Variants in ZC3HAV1L observed in about 807,000 individuals in gnomAD.
The protein encoded by ZC3HAV1L is ZC3HAV1 like.
ZC3HAV1L carries 23 observed loss-of-function variants against 28.2 expected under a neutral mutation model. The ratio of observed to expected loss-of-function variants is 0.82; its 90% CI spans 0.59 to 1.16. ZC3HAV1L has a LOEUF of 1.16. Among genes scored for constraint, ZC3HAV1L ranks in the 50% most tolerant of loss-of-function variants. The pLI is 0.00. For missense variants in ZC3HAV1L, 376 were observed against 387.7 expected, an observed-to-expected ratio of 0.97 and a Z score of 0.25; for synonymous variants, 180 against 163.4, an observed-to-expected ratio of 1.10 and a Z score of -0.78.
At position 139,026,287 on chromosome 7, in the gene ZC3HAV1L, C is replaced by A; in HGVS notation, c.*257G>T. On this transcript the variant is annotated 3_prime_UTR_variant, in exon 5 of 5. Coordinates refer to ENST00000275766, the MANE Select transcript of ZC3HAV1L (RefSeq NM_080660.4). ...GAAAAAAAAAAATGAGTGCAAAGTA[C>A]TCTAGGATTGCCACAATATAAATTG... The A allele has an allele frequency of 6.1e-6, 3 of 494,708 alleles. No individual in the cohort carries two copies. Among genetic ancestry groups the A allele is most frequent in the South Asian group, 3.6e-5 (1 of 27,954 alleles). The allele number at this position is 494,708 out of a possible 1,614,324, so 30.6% of individuals were successfully genotyped here.
chr7:139,023,193 A>AAAC (rs1325163571), downstream of ZC3HAV1L, among the ~76,000 whole-genome samples: 6 of 151,594 alleles, frequency 4.0e-5, no homozygotes, highest in South Asian at 2.1e-4. Context: ...AAAAAAAAAA[A>AAAC]AAAAAAAAAC....
chr7:139,034,222 C>T (rs1815625303), intron 2 of ZC3HAV1L: 1 of 971,174 alleles, frequency 1.0e-6, no homozygotes, highest in Non-Finnish European at 1.2e-6. Context: ...CATCCCTCTT[C>T]TGGCCAAGTG....
At chr7:139,035,238 T>C (rs971898217) in intron 1 of ZC3HAV1L, 5 of 985,250 alleles carry the variant, frequency 5.1e-6, no homozygotes, top group Non-Finnish European at 6.0e-6. Context: ...CACAAGTGTG[T>C]GGATATGGGG....
downstream of ZC3HAV1L, among the ~76,000 whole-genome samples, chr7:139,023,064 A>G (rs1815276963): frequency 6.6e-6 from 1 of 151,420 alleles, no homozygotes; most frequent in South Asian, 2.1e-4. Context: ...AATCCCAGCT[A>G]CTCGGGAGGC....
chr7:139,028,994 A>T (rs377178310), intron 2 of ZC3HAV1L, 34 bp from the exon 3 acceptor site: 16 of 1,590,404 alleles, frequency 1.0e-5, no homozygotes, highest in Non-Finnish European at 1.4e-5. Context: ...CTGAAATATT[A>T]GTTTTTCTTT....
rs780728506 is a variant in ZC3HAV1L at position 139,035,766 on chromosome 7, GGCCACCACCCTCCAGGCGGAGGT to G, written c.229_251del (p.Thr77ArgfsTer46). On this transcript the variant is annotated frameshift_variant, in exon 1 of 5. Transcript: ENST00000275766. LOFTEE classifies it high-confidence loss of function. Reference sequence around the variant, plus strand: ...GGGCGCAGAGGCGCACAGAGGACACGGCCACCACCCTCCAGGCGGAGGTGCCGCCACCGCCCACCGCGCCGGCC... The same window carrying G: ...GGGCGCAGAGGCGCACAGAGGACACGGCCGCCACCGCCCACCGCGCCGGCC... 1 of 1,497,836 alleles carries G rather than the reference GGCCACCACCCTCCAGGCGGAGGT, an allele frequency of 6.7e-7. No homozygotes were observed. The highest frequency in any genetic ancestry group is 8.8e-7 in the Non-Finnish European group (1 of 1,132,032). The allele number at this position is 1,497,836 out of a possible 1,614,324, so 92.8% of individuals were successfully genotyped here.
chr7:139,034,697 C>CGG lies in ZC3HAV1L; in HGVS notation c.366-21_366-20dup. 6.2e-7 allele frequency: 1 copy of CGG among 1,612,984 alleles called. No homozygotes were observed. Among genetic ancestry groups the CGG allele is most frequent in the African/African-American group, 1.3e-5 (1 of 74,968 alleles). Reference sequence around the variant, plus strand: ...GGTAGACCTAAAAGAACAAAGCCCTCGGTCAGATGCCCAGGTGAAGAAGGA... The same window carrying CGG: ...GGTAGACCTAAAAGAACAAAGCCCTCGGGGTCAGATGCCCAGGTGAAGAAGGA... On this transcript the variant is annotated intron_variant, in intron 1 of 4. Transcript: ENST00000275766.
chr7:139,025,638 G>C (rs1815332999), downstream of ZC3HAV1L: 1 of 151,828 alleles, frequency 6.6e-6, no homozygotes, highest in African/African-American at 2.4e-5. Flanking sequence ...GCATAGATGA[G>C]GGCCCCATTA....
Position 139,028,879 on chromosome 7 carries a change from T to C in ZC3HAV1L, c.583A>G (p.Lys195Glu). 6.2e-7 allele frequency: 1 copy of C among 1,614,250 alleles called. No individual in the cohort carries two copies. The highest frequency in any genetic ancestry group is 8.5e-7 in the Non-Finnish European group (1 of 1,180,038). ...KDKCNKFHVC[K>E]SFVKGECKLQ... ...TTGCATTCTCCTTTCACAAAGGATT[T>C]GCACACATGAAACTTGTTGCATTTA... Residue 195 changes from lysine (K) to glutamate (E), a missense_variant, in exon 3 of 5, where the codon AAA (lysine) becomes GAA (glutamate). By Grantham distance (56) the Lys-to-Glu change is moderately conservative. Transcript: ENST00000275766.
At chr7:139,026,643 T>C (rs779691007) in intron 4 of ZC3HAV1L, 65 bp downstream of exon 4, 90 of 1,612,642 alleles carry the variant, frequency 5.6e-5, no homozygotes, top group Non-Finnish European at 7.6e-5. Flanking sequence ...AACAGAAGGC[T>C]TGTTTTCAGA....
downstream of ZC3HAV1L, among the ~76,000 whole-genome samples, chr7:139,023,577 G>A (rs1815291171): frequency 6.6e-6 from 1 of 152,156 alleles, no homozygotes. Context: ...GACCAAGGAA[G>A]GTTTCAGCAG....
chr7:139,024,349 T>A (rs973769424), downstream of ZC3HAV1L, among the ~76,000 whole-genome samples: 24 of 152,048 alleles, frequency 1.6e-4, no homozygotes, highest in African/African-American at 5.8e-4. Context: ...AGCATAATGA[T>A]AAGATATAAA....
At position 139,028,858 on chromosome 7, in the gene ZC3HAV1L, A is replaced by G. The variant is rs984587775; in HGVS notation, c.604T>C (p.Cys202Arg). The G allele has an allele frequency of 1.9e-6, 3 of 1,614,098 alleles. No individual in the cohort carries two copies. The highest frequency in any genetic ancestry group is 2.5e-6 in the Non-Finnish European group (3 of 1,180,046). ...GACCGTTTGCAGGTCTGAAGTTTGC[A>G]TTCTCCTTTCACAAAGGATTTGCAC... ...HVCKSFVKGE[C>R]KLQTCKRSHQ... Residue 202 changes from cysteine (C) to arginine (R), a missense_variant, in exon 3 of 5, where the codon TGC becomes CGC. Transcript: ENST00000275766.
chr7:139,035,373 C>A (rs1483322815), intron 1 of ZC3HAV1L: 6 of 982,632 alleles, frequency 6.1e-6, no homozygotes, highest in East Asian at 1.2e-4. Flanking sequence ...GGATTTAACC[C>A]GGCCGCGTCG....
Position 139,026,519 on chromosome 7 carries a change from G to A in ZC3HAV1L, c.*25C>T. 3 of 1,613,646 alleles carry A rather than the reference G, an allele frequency of 1.9e-6. No homozygotes were observed. Among genetic ancestry groups the A allele is most frequent in the Non-Finnish European group, 2.5e-6 (3 of 1,179,988 alleles). On this transcript the variant is annotated 3_prime_UTR_variant, in exon 5 of 5. Transcript: ENST00000275766. The stretch of plus-strand genomic sequence containing the variant: ...ATGCCCAAATGTATTCTTCCAAAAG[G>A]ACATTTTCTCCTTTTCCATCTTCTT...
chr7:139,026,132 C>CAA lies in ZC3HAV1L; in HGVS notation c.*410_*411dup, dbSNP rs373451520. On this transcript the variant is annotated 3_prime_UTR_variant, in exon 5 of 5. Transcript: ENST00000275766. Reference sequence around the variant, plus strand: ...CCTGGGCAACAGAGCAAGACCATCTCAAAAAAAAAAACTGTTAGAAAAAGC... The same window carrying CAA: ...CCTGGGCAACAGAGCAAGACCATCTCAAAAAAAAAAAAACTGTTAGAAAAAGC... 5.8e-4 allele frequency: 90 copies of CAA among 155,260 alleles called. No homozygotes were observed. Among genetic ancestry groups the CAA allele is most frequent in the South Asian group, 1.3e-3 (8 of 6,342 alleles). The allele number at this position is 155,260 out of a possible 1,614,324, so 9.6% of individuals were successfully genotyped here. A position where few individuals can be genotyped will look rare whatever the true frequency, so the allele number is the denominator to read the frequency against.
chr7:139,030,071 C>G (rs1815478359), intron 2 of ZC3HAV1L, among the ~76,000 whole-genome samples: 1 of 152,198 alleles, frequency 6.6e-6, no homozygotes, highest in Non-Finnish European at 1.5e-5. Flanking sequence ...AGTCTGACAT[C>G]CCCGGCAACC....
intron 2 of ZC3HAV1L, chr7:139,033,813 G>C (rs1815609831): frequency 1.0e-6 from 1 of 985,328 alleles, no homozygotes; most frequent in Non-Finnish European, 1.2e-6. Context: ...GAGACAGGAA[G>C]GACTGGACCC....
At chr7:139,022,392 A>G (rs1815262236), downstream of ZC3HAV1L, 1 of 436,610 alleles carries the variant, frequency 2.3e-6, no homozygotes, top group Non-Finnish European at 4.6e-6. Context: ...AAAAACCTAA[A>G]AAGATTAGCT....
Sources: gnomAD v4.1 joint callset for allele counts (sites outside exome capture counted in the v4.1 genomes callset) on GRCh38, gnomAD v4.1.1 for gene constraint, MANE v1.5 for transcripts, NCBI Gene and HGNC (gene_info 2026-07-23, HGNC 2026-07-21) for gene names.